Variants in RGS6 observed in about 807,000 individuals in gnomAD.
RGS6 encodes regulator of G protein signaling 6.
A neutral mutation model predicts 78.5 loss-of-function variants in RGS6; 30 were observed. That is an observed-to-expected ratio of 0.38 (90% confidence interval 0.29 to 0.52). The LOEUF is 0.52. Among genes scored for constraint, RGS6 ranks in the 20% least tolerant of loss-of-function variants. RGS6 has a pLI of 0.85. For synonymous variants in RGS6, 206 were observed against 206.0 expected (o/e 1.00, Z 0.00); for missense variants, 495 against 609.7 (o/e 0.81, Z 1.98).
intron 3 of RGS6, among the ~76,000 whole-genome samples, chr14:72,398,857 C>T (rs1288861904): frequency 3.9e-5 from 6 of 152,064 alleles, no homozygotes; most frequent in East Asian, 1.9e-4. Flanking sequence ...TGTAGTTGAG[C>T]GGTTTTGAGT....
the RGS6 span, among the ~76,000 whole-genome samples, chr14:72,579,597 C>G: frequency 2.0e-5 from 3 of 152,170 alleles, no homozygotes; most frequent in Non-Finnish European, 4.4e-5. Flanking sequence ...ATAATGACAT[C>G]TAGTGAAAAT....
intron 3 of RGS6, among the ~76,000 whole-genome samples, chr14:72,413,960 C>T (rs929823842): frequency 2.0e-5 from 3 of 152,192 alleles, no homozygotes; most frequent in Non-Finnish European, 4.4e-5. Context: ...ATGGGCTTTC[C>T]TTTGTGGGTA....
chr14:72,555,712 C>T (rs759532786), intron 17 of RGS6, among the ~76,000 whole-genome samples: 12 of 152,314 alleles, frequency 7.9e-5, no homozygotes, highest in East Asian at 1.9e-4. Flanking sequence ...ACTCAAACTC[C>T]GTTTGAGTCT....
intron 2 of RGS6, among the ~76,000 whole-genome samples, chr14:72,133,379 A>G (rs914983143): frequency 4.6e-5 from 7 of 152,046 alleles, no homozygotes; most frequent in Non-Finnish European, 4.4e-5. Context: ...AGAGTTTCCC[A>G]CTAAGTTCCC....
At chr14:71,934,310 G>T (rs1348170926) in intron 1 of RGS6, among the ~76,000 whole-genome samples, 1 of 152,228 alleles carries the variant, frequency 6.6e-6, no homozygotes, top group African/African-American at 2.4e-5. Context: ...TATGTAGAGA[G>T]AGTCTATTCC....
At chr14:72,281,491 C>G (rs2061578509) in intron 2 of RGS6, among the ~76,000 whole-genome samples, 1 of 152,086 alleles carries the variant, frequency 6.6e-6, no homozygotes, top group Non-Finnish European at 1.5e-5. Flanking sequence ...TGGGAACTAG[C>G]CACATGTATT....
chr14:72,319,342 AGG>A (rs201188377), intron 2 of RGS6, among the ~76,000 whole-genome samples: 2,268 of 151,634 alleles, frequency 0.015, 59 homozygotes, highest in African/African-American at 0.053. Flanking sequence ...AGAGAACTGA[AGG>A]GGGAAATTTT....
chr14:71,989,555 T>C (rs2094867834), intron 2 of RGS6, among the ~76,000 whole-genome samples: 1 of 152,226 alleles, frequency 6.6e-6, no homozygotes. Context: ...GCTTTGTAAA[T>C]GAGGAAACTG....
At position 72,184,372 on chromosome 14, in the gene RGS6, A is replaced by G. The variant is rs1464406731; in HGVS notation, c.85-167723A>G. ...TAACAGAAGTATTTTACTTTCAAAC[A>G]CACACACACACACACACACACACAC... On this transcript the variant is annotated intron_variant, in intron 2 of 17. Coordinates refer to ENST00000553525, the MANE Select transcript of RGS6 (RefSeq NM_001204424.2). Among the ~76,000 whole-genome samples, 32 of 78,860 alleles carry G rather than the reference A, an allele frequency of 4.1e-4. No homozygotes were observed. In the Admixed American group the frequency reaches 4.2e-3, roughly 10 times the overall value. 51.7% of individuals were successfully genotyped at this position (78,860 alleles called of 152,430 possible). A position where few individuals can be genotyped will look rare whatever the true frequency, so the allele number is the denominator to read the frequency against.
intron 2 of RGS6, among the ~76,000 whole-genome samples, chr14:72,043,484 C>T (rs1384538720): frequency 1.7e-4 from 6 of 35,438 alleles, no homozygotes; most frequent in Non-Finnish European, 3.0e-4. Context: ...TTTTTCTTCA[C>T]TTTTGAAGGA....
In RGS6 at chr14:72,352,188, G is replaced by A. The variant is rs750195312; in HGVS notation, c.178G>A (p.Val60Ile). The A allele has an allele frequency of 4.3e-5, 69 of 1,612,244 alleles. No homozygotes were observed. The highest frequency in any genetic ancestry group is 5.0e-5 in the Non-Finnish European group (59 of 1,178,924). ...CTTTCTCTCCAAAATCCCCAGTGTC[G>A]TCACAGGTAACACCCTCCTTGCAAG... ...KSFLSKIPSV[V>I]TGTDIVQWLM... is the part of the protein sequence containing the mutation. The change falls in exon 3 of 18, where the codon GTC (valine) becomes ATC (isoleucine). Residue 60 changes from valine (V) to isoleucine (I), a missense_variant. Val to Ile is a conservative substitution (Grantham distance 29). Coordinates refer to ENST00000553525, the MANE Select transcript of RGS6 (RefSeq NM_001204424.2).
At chr14:71,995,298 C>T (rs928438728) in intron 2 of RGS6, among the ~76,000 whole-genome samples, 1 of 152,194 alleles carries the variant, frequency 6.6e-6, no homozygotes, top group African/African-American at 2.4e-5. Context: ...GCCTTTGTTA[C>T]TGCATGGCTA....
the RGS6 span, among the ~76,000 whole-genome samples, chr14:71,893,203 G>A: frequency 6.6e-6 from 1 of 152,184 alleles, no homozygotes. Context: ...ACAACTAGAG[G>A]GACTTCAGGA....
intron 2 of RGS6, among the ~76,000 whole-genome samples, chr14:72,295,592 G>T (rs902030231): frequency 6.6e-6 from 1 of 152,174 alleles, no homozygotes; most frequent in African/African-American, 2.4e-5. Flanking sequence ...ACCAGGTTTT[G>T]TTGGTATAAA....
At chr14:72,011,864 G>T (rs1370284502) in intron 2 of RGS6, among the ~76,000 whole-genome samples, 2 of 152,210 alleles carry the variant, frequency 1.3e-5, no homozygotes, top group East Asian at 3.9e-4. Flanking sequence ...GTATTTAACG[G>T]TCTATTGTTT....
chr14:72,308,961 A>G (rs2067905472), intron 2 of RGS6, among the ~76,000 whole-genome samples: 1 of 152,192 alleles, frequency 6.6e-6, no homozygotes, highest in South Asian at 2.1e-4. Flanking sequence ...GCCTCTCTCA[A>G]CAGGGATAAT....
chr14:72,360,180 T>C (rs2081175853), intron 3 of RGS6, among the ~76,000 whole-genome samples: 1 of 152,012 alleles, frequency 6.6e-6, no homozygotes, highest in African/African-American at 2.4e-5. Context: ...AACATGCATA[T>C]TGGTGAGTAG....
the RGS6 span, among the ~76,000 whole-genome samples, chr14:72,622,113 A>G: frequency 3.9e-5 from 6 of 152,122 alleles, no homozygotes; most frequent in Admixed American, 3.3e-4. Context: ...GTGTCCATGA[A>G]CCCCTTGAAA....
chr14:72,195,408 A>G (rs1412122927), intron 2 of RGS6, among the ~76,000 whole-genome samples: 1 of 152,200 alleles, frequency 6.6e-6, no homozygotes, highest in African/African-American at 2.4e-5. Flanking sequence ...ATTTCAAAGT[A>G]TCAGAGTCTA....
Sources: allele counts gnomAD v4.1 joint callset (sites outside exome capture counted in the v4.1 genomes callset), GRCh38; gene constraint gnomAD v4.1.1; transcripts MANE v1.5; gene names NCBI Gene and HGNC (gene_info 2026-07-23, HGNC 2026-07-21).